The following TMTC1 variants were observed in gnomAD, a reference collection of about 807,000 sequenced individuals.
TMTC1 encodes the protein protein O-mannosyl-transferase TMTC1.
Under a neutral mutation model 104.8 loss-of-function variants are expected in TMTC1, and 73 were observed. The ratio of observed to expected loss-of-function variants is 0.70; its 90% CI spans 0.58 to 0.85. TMTC1 has a LOEUF of 0.85. Ranked by LOEUF, TMTC1 falls within the 40% of genes least tolerant of loss-of-function variation. TMTC1 has a pLI of 0.00. For synonymous variants in TMTC1, 434 were observed against 428.7 expected (o/e 1.01, Z -0.15); for missense variants, 1,035 against 1,096.1 (o/e 0.94, Z 0.79).
In TMTC1 at chr12:29,586,341, AT is replaced by A. The variant is rs1273964096; in HGVS notation, c.1251-2768del. Among the ~76,000 whole-genome samples, 10 of 152,278 alleles carry A rather than the reference AT, an allele frequency of 6.6e-5. No individual in the cohort carries two copies. The East Asian group carries it at 1.9e-3, about 29-fold the overall frequency. ...CAGCTTAAGGAGATTTTGGGCTGAG[AT>A]GATGGGGTTTTCTAGATATACAATC... On this transcript the variant is annotated intron_variant, in intron 7 of 17. Coordinates refer to ENST00000539277, the MANE Select transcript of TMTC1 (RefSeq NM_001193451.2).
At chr12:29,578,272 T>C (rs1416767926) in intron 8 of TMTC1, among the ~76,000 whole-genome samples, 2 of 152,028 alleles carry the variant, frequency 1.3e-5, no homozygotes, top group Non-Finnish European at 2.9e-5. Flanking sequence ...ACCTTTATGT[T>C]CTCTCTGTGA....
chr12:29,685,472 T>C (rs1211588170), intron 5 of TMTC1, among the ~76,000 whole-genome samples: 2 of 151,966 alleles, frequency 1.3e-5, no homozygotes, highest in Non-Finnish European at 1.5e-5. Context: ...TTTGCTTTGC[T>C]ACCAAAATTA....
chr12:29,654,884 T>TTTG (rs1257538136), intron 5 of TMTC1, among the ~76,000 whole-genome samples: 5 of 152,076 alleles, frequency 3.3e-5, no homozygotes, highest in Admixed American at 6.5e-5. Context: ...GATTCTGTTT[T>TTTG]TTGTTGTTGT....
At chr12:29,613,165 G>C (rs1946888758) in intron 6 of TMTC1, among the ~76,000 whole-genome samples, 2 of 152,146 alleles carry the variant, frequency 1.3e-5, no homozygotes, top group East Asian at 3.9e-4. Flanking sequence ...AGATGGATTT[G>C]GAAAATCAGA....
intron 5 of TMTC1, among the ~76,000 whole-genome samples, chr12:29,746,439 T>C (rs1356187028): frequency 6.6e-6 from 1 of 152,202 alleles, no homozygotes; most frequent in Non-Finnish European, 1.5e-5. Flanking sequence ...CTCTCAAAGA[T>C]GGTACGAGGC....
At chr12:29,746,789 T>A (rs1052894484) in intron 5 of TMTC1, among the ~76,000 whole-genome samples, 20 of 152,212 alleles carry the variant, frequency 1.3e-4, no homozygotes, top group African/African-American at 4.8e-4. Context: ...AAAAAACTTT[T>A]AAGAGCCACT....
In TMTC1 at chr12:29,783,270, T is replaced by G; in HGVS notation, c.302+180A>C. On this transcript the variant is annotated intron_variant, in intron 1 of 17. Transcript: ENST00000539277. This position sits in a 1 kb window ranked among gnomAD's most constrained non-coding sequence, Gnocchi z 4.7. ...TCCCGAACCGCCCCGAGAGCCCAGATTAGCCGGGCAGTGGATCCCGGAGCA... is the reference window on the plus strand; with the variant it reads ...TCCCGAACCGCCCCGAGAGCCCAGAGTAGCCGGGCAGTGGATCCCGGAGCA... 6.6e-6 allele frequency among the ~76,000 whole-genome samples: 1 copy of G among 151,894 alleles called. No homozygotes were observed. Among genetic ancestry groups the G allele is most frequent in the Non-Finnish European group, 1.5e-5 (1 of 67,926 alleles).
intron 6 of TMTC1, among the ~76,000 whole-genome samples, chr12:29,611,177 CTTT>C (rs1555176122): frequency 2.3e-5 from 3 of 130,148 alleles, no homozygotes; most frequent in Admixed American, 7.5e-5. Flanking sequence ...TTCTGAACTT[CTTT>C]TTTTTTTTTT....
intron 10 of TMTC1, among the ~76,000 whole-genome samples, chr12:29,537,520 A>C (rs996224772): frequency 6.6e-6 from 1 of 152,114 alleles, no homozygotes; most frequent in South Asian, 2.1e-4. Flanking sequence ...TTAGGAATCC[A>C]CCCCTAATGA....
intron 10 of TMTC1, among the ~76,000 whole-genome samples, chr12:29,556,646 C>T (rs1945252366): frequency 6.6e-6 from 1 of 152,192 alleles, no homozygotes; most frequent in African/African-American, 2.4e-5. Context: ...TCTTCCAGAA[C>T]TACTATTTCC....
intron 5 of TMTC1, among the ~76,000 whole-genome samples, chr12:29,709,883 T>C (rs373059985): frequency 2.0e-5 from 3 of 152,314 alleles, no homozygotes; most frequent in African/African-American, 4.8e-5. Context: ...AGTTTAACTA[T>C]AGAGATGAAA....
At chr12:29,676,754 C>G (rs115382545) in intron 5 of TMTC1, among the ~76,000 whole-genome samples, 1,630 of 152,296 alleles carry the variant, frequency 0.011, 35 homozygotes, top group African/African-American at 0.037. Context: ...TTCTAACTAG[C>G]ACTCTATGAG....
At chr12:29,746,472 T>A (rs1415468620) in intron 5 of TMTC1, among the ~76,000 whole-genome samples, 1 of 152,210 alleles carries the variant, frequency 6.6e-6, no homozygotes, top group Non-Finnish European at 1.5e-5. Flanking sequence ...GGAACACATT[T>A]TCCCTACTCA....
chr12:29,726,286 C>A lies in TMTC1; in HGVS notation c.938+25380G>T, dbSNP rs554004384. Among the ~76,000 whole-genome samples the A allele has an allele frequency of 7.9e-5, 12 of 152,318 alleles. No homozygotes were observed. In the South Asian group the frequency reaches 2.3e-3, roughly 29 times the overall value. ...CTGCCTGTGCAATGTCTCAAACCAG[C>A]TCACTAGCTGTATTTGATATCTTTC... is the stretch of plus-strand genomic sequence containing the variant. On this transcript the variant is annotated intron_variant, in intron 5 of 17. Transcript: ENST00000539277.
intron 5 of TMTC1, among the ~76,000 whole-genome samples, chr12:29,751,357 C>T (rs902591351): frequency 1.3e-5 from 2 of 152,086 alleles, no homozygotes; most frequent in East Asian, 1.9e-4. Flanking sequence ...GGAGGGAGAA[C>T]GTTCTCCTCC....
At chr12:29,582,933 C>T (rs1484631334) in intron 8 of TMTC1, among the ~76,000 whole-genome samples, 1 of 152,198 alleles carries the variant, frequency 6.6e-6, no homozygotes, top group African/African-American at 2.4e-5. Flanking sequence ...AACACAGCAT[C>T]ATGAATGGCA....
At chr12:29,586,688 A>G (rs1040876541) in intron 7 of TMTC1, among the ~76,000 whole-genome samples, 10 of 149,758 alleles carry the variant, frequency 6.7e-5, no homozygotes, top group African/African-American at 2.5e-4. Flanking sequence ...ATCTATTGAG[A>G]TAATCATGTG....
At chr12:29,561,726 A>G (rs188832815) in intron 9 of TMTC1, among the ~76,000 whole-genome samples, 1 of 152,182 alleles carries the variant, frequency 6.6e-6, no homozygotes, top group Admixed American at 6.5e-5. Context: ...TCATTATCTG[A>G]GTGCCGTATA....
intron 9 of TMTC1, among the ~76,000 whole-genome samples, chr12:29,559,775 A>G (rs1945334638): frequency 6.6e-6 from 1 of 152,206 alleles, no homozygotes. Context: ...TATTCCCGGC[A>G]ATACTAAGGA....
Sources: allele counts gnomAD v4.1 joint callset (sites outside exome capture counted in the v4.1 genomes callset), GRCh38; gene constraint gnomAD v4.1.1; non-coding constraint Gnocchi (gnomAD v3.1); transcripts MANE v1.5; gene names NCBI Gene and HGNC (gene_info 2026-07-23, HGNC 2026-07-21).